OLA1: variants seen among roughly 807,000 people sequenced by gnomAD.
OLA1 encodes the protein Obg like ATPase 1.
In OLA1, 14 loss-of-function variants were observed where a neutral mutation model predicts 48.4. The ratio of observed to expected loss-of-function variants is 0.29; its 90% CI spans 0.19 to 0.45. The LOEUF (loss-of-function observed/expected upper bound fraction) is 0.45. Ranked by LOEUF, OLA1 falls within the 20% of genes least tolerant of loss-of-function variation. The probability of loss-of-function intolerance (pLI) is 1.00; values close to 1 mark genes in which losing one functional copy is unlikely to be tolerated. For synonymous variants in OLA1, 127 were observed against 150.4 expected, an observed-to-expected ratio of 0.84 and a Z score of 1.14; for missense variants, 325 against 467.1, an observed-to-expected ratio of 0.70 and a Z score of 2.80.
intron 4 of OLA1, among the ~76,000 whole-genome samples, chr2:174,146,347 C>G (rs1443370091): frequency 6.6e-6 from 1 of 151,970 alleles, no homozygotes; most frequent in South Asian, 2.1e-4. Flanking sequence ...GAACAGATTC[C>G]AAGAGAGGAG....
chr2:174,116,656 C>T (rs1004221015), intron 7 of OLA1, among the ~76,000 whole-genome samples: 1 of 152,082 alleles, frequency 6.6e-6, no homozygotes, highest in Non-Finnish European at 1.5e-5. Context: ...ATGCTCTGTA[C>T]GCAATTAGGA....
chr2:174,240,584 AAG>A (rs1164940087), intron 2 of OLA1: 1 of 152,222 alleles, frequency 6.6e-6, no homozygotes, highest in African/African-American at 2.4e-5. Context: ...AAGAAAAAAA[AAG>A]ACTTTTTACA....
chr2:174,160,332 GTA>G (rs985931526), intron 4 of OLA1, among the ~76,000 whole-genome samples: 1 of 151,990 alleles, frequency 6.6e-6, no homozygotes, highest in Non-Finnish European at 1.5e-5. Context: ...GTTATTCAAC[GTA>G]TAAACATTTC....
chr2:174,164,259 C>T (rs573441242), intron 4 of OLA1, among the ~76,000 whole-genome samples: 2 of 119,870 alleles, frequency 1.7e-5, no homozygotes, highest in African/African-American at 8.3e-5. Context: ...TAGACTAATA[C>T]ACACAGCATT....
At chr2:174,080,208 T>G (rs1684828488) in intron 9 of OLA1, among the ~76,000 whole-genome samples, 1 of 152,018 alleles carries the variant, frequency 6.6e-6, no homozygotes, top group Non-Finnish European at 1.5e-5. Context: ...CATTTAACAT[T>G]ATGTTAACTG....
intron 4 of OLA1, among the ~76,000 whole-genome samples, chr2:174,195,681 C>CT (rs1687864939): frequency 6.6e-6 from 1 of 152,140 alleles, no homozygotes; most frequent in Non-Finnish European, 1.5e-5. Flanking sequence ...TTTCTGTATG[C>CT]CAACTATTAT....
chr2:174,139,490 A>G (rs1686388155), intron 5 of OLA1, among the ~76,000 whole-genome samples: 1 of 152,242 alleles, frequency 6.6e-6, no homozygotes, highest in Admixed American at 6.5e-5. Flanking sequence ...CACTTGGCTG[A>G]TACCAAGAGA....
At chr2:174,122,731 C>T (rs950312446) in intron 7 of OLA1, among the ~76,000 whole-genome samples, 2 of 149,354 alleles carry the variant, frequency 1.3e-5, no homozygotes, top group Non-Finnish European at 3.0e-5. Context: ...TTTCCCCACA[C>T]ACAGTCTTTT....
intron 7 of OLA1, among the ~76,000 whole-genome samples, chr2:174,117,925 T>C (rs757192299): frequency 6.6e-6 from 1 of 152,180 alleles, no homozygotes; most frequent in African/African-American, 2.4e-5. Flanking sequence ...CTCACATTGC[T>C]ATAAAGAAAT....
At chr2:174,217,499 A>G (rs1253180967) in intron 4 of OLA1, among the ~76,000 whole-genome samples, 1 of 152,226 alleles carries the variant, frequency 6.6e-6, no homozygotes, top group Non-Finnish European at 1.5e-5. Context: ...AAAGTATAAG[A>G]AAAGTTTTCT....
At chr2:174,232,886 T>G (rs1379436169) in intron 2 of OLA1, among the ~76,000 whole-genome samples, 3 of 152,156 alleles carry the variant, frequency 2.0e-5, no homozygotes, top group Non-Finnish European at 2.9e-5. Flanking sequence ...GAAAGCAGGA[T>G]CTCAAAGAGA....
intron 7 of OLA1, among the ~76,000 whole-genome samples, chr2:174,087,414 G>A (rs1239705232): frequency 1.3e-5 from 2 of 151,914 alleles, no homozygotes; most frequent in African/African-American, 2.4e-5. Flanking sequence ...TTAGGAACAA[G>A]AAGGAAGGAA....
intron 7 of OLA1, among the ~76,000 whole-genome samples, chr2:174,102,286 A>C (rs1453564109): frequency 1.3e-5 from 2 of 152,036 alleles, no homozygotes; most frequent in Non-Finnish European, 2.9e-5. Context: ...AAAGTGTGAG[A>C]ACCAACAGCA....
intron 7 of OLA1, among the ~76,000 whole-genome samples, chr2:174,086,987 C>G (rs1480482853): frequency 6.6e-6 from 1 of 151,624 alleles, no homozygotes; most frequent in Non-Finnish European, 1.5e-5. Context: ...CCTAGAGAGT[C>G]CTTTTCTTGC....
At chr2:174,079,718 A>G (rs1684819413) in intron 9 of OLA1, among the ~76,000 whole-genome samples, 1 of 151,998 alleles carries the variant, frequency 6.6e-6, no homozygotes, top group Non-Finnish European at 1.5e-5. Context: ...ACAAGGATAT[A>G]TATTCCACAC....
At chr2:174,168,118 C>A (rs1382766465) in intron 4 of OLA1, among the ~76,000 whole-genome samples, 2 of 152,282 alleles carry the variant, frequency 1.3e-5, no homozygotes, top group East Asian at 3.9e-4. Context: ...GTTGCCAACA[C>A]AGGGCAAGCT....
chr2:174,210,089 C>A (rs993419802), intron 4 of OLA1, among the ~76,000 whole-genome samples: 2 of 151,950 alleles, frequency 1.3e-5, no homozygotes, highest in Admixed American at 1.3e-4. Context: ...AAAAAATTAA[C>A]AACAATTTAC....
At chr2:174,125,063 T>C (rs1357182746) in intron 5 of OLA1, among the ~76,000 whole-genome samples, 1 of 152,168 alleles carries the variant, frequency 6.6e-6, no homozygotes, top group African/African-American at 2.4e-5. Context: ...TGTAACACCA[T>C]TTCCTACAAG....
chr2:174,178,973 T>C (rs2105411993), intron 4 of OLA1, among the ~76,000 whole-genome samples: 1 of 152,062 alleles, frequency 6.6e-6, no homozygotes, highest in South Asian at 2.1e-4. Flanking sequence ...CTTATCCATT[T>C]CTTACTTGCC....
Sources: allele counts gnomAD v4.1 joint callset (sites outside exome capture counted in the v4.1 genomes callset), GRCh38; gene constraint gnomAD v4.1.1; transcripts MANE v1.5; gene names NCBI Gene and HGNC (gene_info 2026-07-23, HGNC 2026-07-21).